SLC12A6: variants seen among roughly 807,000 people sequenced by gnomAD.
SLC12A6 encodes K-Cl cotransporter 3.
Under a neutral mutation model 135.3 loss-of-function variants are expected in SLC12A6, and 66 were observed. The observed-to-expected ratio is 0.49, with a 90% CI of 0.40 to 0.60. The LOEUF (loss-of-function observed/expected upper bound fraction) is 0.60. Among genes scored for constraint, SLC12A6 ranks in the 20% least tolerant of loss-of-function variants. The pLI is 0.00. For missense variants in SLC12A6, 1,058 were observed against 1,452.3 expected (o/e 0.73, Z 4.41); for synonymous variants, 513 against 508.8 (o/e 1.01, Z -0.11).
chr15:34,264,948 A>G (rs1038113109), intron 3 of SLC12A6, among the ~76,000 whole-genome samples: 1 of 152,170 alleles, frequency 6.6e-6, no homozygotes, highest in Admixed American at 6.5e-5. Flanking sequence ...TGTAATCCCA[A>G]CACTTTAGGA....
chr15:34,300,259 G>T (rs1896150117), intron 2 of SLC12A6, among the ~76,000 whole-genome samples: 1 of 152,096 alleles, frequency 6.6e-6, no homozygotes. Context: ...TAGAAATAAA[G>T]AAATACAGTT....
chr15:34,234,684 T>G (rs1891138461), intron 25 of SLC12A6, among the ~76,000 whole-genome samples: 1 of 152,204 alleles, frequency 6.6e-6, no homozygotes, highest in Non-Finnish European at 1.5e-5. Flanking sequence ...AACCTCTTCT[T>G]TCTTAATGGT....
At chr15:34,293,986 TA>T (rs1434907882) in intron 2 of SLC12A6, among the ~76,000 whole-genome samples, 2 of 152,222 alleles carry the variant, frequency 1.3e-5, no homozygotes, top group African/African-American at 4.8e-5. Flanking sequence ...TATTTCAACA[TA>T]AAAGTATATA....
chr15:34,286,908 A>G (rs61659679), intron 2 of SLC12A6, among the ~76,000 whole-genome samples: 5,965 of 152,246 alleles, frequency 0.039, 216 homozygotes, highest in African/African-American at 0.098. Flanking sequence ...ATATGATGAC[A>G]CCTAGTGCAG....
At chr15:34,241,374 C>T in intron 17 of SLC12A6, 37 bp from the exon 18 acceptor site, 3 of 1,089,960 alleles carry the variant, frequency 2.8e-6, no homozygotes, top group South Asian at 1.3e-5. Context: ...CAAATTTAAA[C>T]TATAGTAAGT....
At chr15:34,311,004 T>G (rs1403522442) in intron 2 of SLC12A6, among the ~76,000 whole-genome samples, 1 of 152,158 alleles carries the variant, frequency 6.6e-6, no homozygotes, top group Non-Finnish European at 1.5e-5. Flanking sequence ...TCAATAAAAT[T>G]TAAACCTCAT....
chr15:34,239,033 G>A lies in SLC12A6; in HGVS notation c.2564C>T (p.Thr855Met), dbSNP rs1260764451. 9 of 1,614,174 alleles carry A rather than the reference G, an allele frequency of 5.6e-6. No homozygotes were observed. The highest frequency in any genetic ancestry group is 2.7e-5 in the African/African-American group (2 of 75,060). ...SCGLGGMKHN[T>M]VVMGWPNGWR... ...GCCATTAGGCCAGCCCATCACCACCGTGTTGTGCTTCATGCCCCCAAGGCC... is the reference window on the plus strand; with the variant it reads ...GCCATTAGGCCAGCCCATCACCACCATGTTGTGCTTCATGCCCCCAAGGCC... Residue 855 changes from threonine (T) to methionine (M), a missense_variant, in exon 20 of 26, where the codon ACG becomes ATG. Thr to Met is a moderately conservative substitution (Grantham distance 81). This residue lies in a region of SLC12A6 where 245 missense variants were observed against 440.8 expected (regional missense o/e 0.56). Transcript: ENST00000354181.
chr15:34,233,831 G>T lies in SLC12A6; in HGVS notation c.*50C>A. 1.1e-6 allele frequency: 1 copy of T among 948,832 alleles called. No homozygotes were observed. The highest frequency in any genetic ancestry group is 1.7e-6 in the Non-Finnish European group (1 of 572,594). 58.8% of individuals were successfully genotyped at this position (948,832 alleles called of 1,614,324 possible). A position where few individuals can be genotyped will look rare whatever the true frequency, so the allele number is the denominator to read the frequency against. On this transcript the variant is annotated 3_prime_UTR_variant, in exon 26 of 26. Transcript: ENST00000354181. ...AGTAATGAGCTGGCACTTCCATGGA[G>T]GACGTAGGCCTTTTAAGAAAACAGG...
chr15:34,294,809 C>T (rs557138001), intron 2 of SLC12A6, among the ~76,000 whole-genome samples: 28 of 152,092 alleles, frequency 1.8e-4, no homozygotes, highest in Non-Finnish European at 3.1e-4. Flanking sequence ...TTTTGCTTCC[C>T]CTCCCAAAGT....
intron 15 of SLC12A6, 77 bp from the exon 16 acceptor site, chr15:34,244,149 C>T: frequency 1.1e-6 from 1 of 877,992 alleles, no homozygotes; most frequent in Middle Eastern, 2.5e-4. Flanking sequence ...AATACCTTTG[C>T]TGTATTGAAG....
intron 2 of SLC12A6, among the ~76,000 whole-genome samples, chr15:34,325,552 T>C (rs1003108541): frequency 1.1e-4 from 17 of 152,168 alleles, no homozygotes; most frequent in Admixed American, 1.1e-3. Flanking sequence ...ATGTCATACA[T>C]CAGAAATGAA....
chr15:34,261,500 G>A (rs779208757), intron 3 of SLC12A6, among the ~76,000 whole-genome samples: 11 of 152,106 alleles, frequency 7.2e-5, no homozygotes, highest in Non-Finnish European at 8.8e-5. Context: ...GGTTCACCAC[G>A]TTGGCCAGGC....
intron 3 of SLC12A6, among the ~76,000 whole-genome samples, chr15:34,262,760 C>A (rs1228230831): frequency 6.6e-6 from 1 of 152,332 alleles, no homozygotes; most frequent in South Asian, 2.1e-4. Context: ...GCAATCCCTA[C>A]ATACAGCCCG....
intron 22 of SLC12A6, chr15:34,237,053 C>T (rs1218575882): frequency 3.8e-6 from 2 of 524,434 alleles, no homozygotes; most frequent in Non-Finnish European, 6.9e-6. Context: ...TGCCTTGAAA[C>T]ACAAAATACA....
rs1220512529 is a variant in SLC12A6 at position 34,240,730 on chromosome 15, G to A, written c.2367C>T (p.Leu789=). The A allele has an allele frequency of 1.9e-6, 3 of 1,613,912 alleles. No individual in the cohort carries two copies. Among genetic ancestry groups the A allele is most frequent in the Non-Finnish European group, 2.5e-6 (3 of 1,179,794 alleles). ...CCACGATGACAGAGCCCACAATAGT[G>A]AGACCTTTTCCTGCTTTGAGCTGTG... ...FASQLKAGKG[L]TIVGSVIVGN... The change falls in exon 19 of 26, where the codon CTC becomes CTT. Residue 789 remains leucine, a synonymous_variant. Transcript: ENST00000354181.
chr15:34,242,277 G>A, intron 16 of SLC12A6, 56 bp from the exon 17 acceptor site: 3 of 1,309,420 alleles, frequency 2.3e-6, no homozygotes, highest in Non-Finnish European at 3.3e-6. Flanking sequence ...AGAAGCCTAT[G>A]TTAAAGGTGC....
At position 34,240,653 on chromosome 15, in the gene SLC12A6, A is replaced by G; in HGVS notation, c.2436+8T>C. ...TGAGTTCCAATACCTCAAAAGCCTG[A>G]CTCTTACCTGCTCAGCAGCTAAAGC... On this transcript the variant is annotated splice_region_variant and intron_variant, in intron 19 of 25. Transcript: ENST00000354181. 6.2e-7 allele frequency: 1 copy of G among 1,612,602 alleles called. No homozygotes were observed. Among genetic ancestry groups the G allele is most frequent in the Non-Finnish European group, 8.5e-7 (1 of 1,178,708 alleles).
chr15:34,254,289 A>G (rs770472310), intron 9 of SLC12A6, 59 bp downstream of exon 9: 444 of 1,504,902 alleles, frequency 3.0e-4, no homozygotes, highest in Non-Finnish European at 3.6e-4. Flanking sequence ...TTATCACACC[A>G]CCAGATATTT....
chr15:34,235,471 G>T (rs1203781479), intron 24 of SLC12A6, among the ~76,000 whole-genome samples, 157 bp from the exon 25 acceptor site: 3 of 128,520 alleles, frequency 2.3e-5, no homozygotes, highest in Non-Finnish European at 4.8e-5. Flanking sequence ...TTTCGCTCAT[G>T]TCACCCAGGC....
Sources: allele counts gnomAD v4.1 joint callset (sites outside exome capture counted in the v4.1 genomes callset), GRCh38; gene constraint gnomAD v4.1.1; regional missense constraint gnomAD v4.1.1; transcripts MANE v1.5; gene names NCBI Gene and HGNC (gene_info 2026-07-23, HGNC 2026-07-21).